Variants in CDH13 observed in about 807,000 individuals in gnomAD.
The protein encoded by CDH13 is cadherin 13, also known as cadherin-13.
A neutral mutation model predicts 63.8 loss-of-function variants in CDH13; 24 were observed. The ratio of observed to expected loss-of-function variants is 0.38; its 90% CI spans 0.27 to 0.53. The LOEUF is 0.53. Among genes scored for constraint, CDH13 ranks in the 20% least tolerant of loss-of-function variants. The probability of loss-of-function intolerance (pLI) is 0.85; values close to 1 mark genes in which losing one functional copy is unlikely to be tolerated. For missense variants in CDH13, 1,049 were observed against 903.1 expected, an observed-to-expected ratio of 1.16 and a Z score of -2.07; for synonymous variants, 503 against 355.3, an observed-to-expected ratio of 1.42 and a Z score of -4.67.
chr16:83,724,110 T>G (rs1399997052), intron 10 of CDH13, among the ~76,000 whole-genome samples: 1 of 99,572 alleles, frequency 1.0e-5, no homozygotes, highest in African/African-American at 4.0e-5. Flanking sequence ...GTGATGAATG[T>G]ATGGGTGAGT....
chr16:83,372,535 C>T (rs554345748), intron 6 of CDH13, among the ~76,000 whole-genome samples: 15 of 151,840 alleles, frequency 9.9e-5, no homozygotes, highest in Non-Finnish European at 1.8e-4. Context: ...AGGTGGACCA[C>T]GAGGTCAAGA....
At chr16:83,155,272 G>T (rs1342406203) in intron 4 of CDH13, among the ~76,000 whole-genome samples, 3 of 151,042 alleles carry the variant, frequency 2.0e-5, no homozygotes, top group Non-Finnish European at 4.4e-5. Flanking sequence ...GAAGAGTCAT[G>T]TTCTAGAGTC....
At chr16:83,180,344 TC>T (rs2038299945) in intron 4 of CDH13, among the ~76,000 whole-genome samples, 2 of 151,964 alleles carry the variant, frequency 1.3e-5, no homozygotes, top group African/African-American at 4.8e-5. Context: ...ATTTTTTTTT[TC>T]ACATCCTTTC....
In CDH13 at chr16:83,221,123, A is replaced by G. The variant is rs369781537; in HGVS notation, c.636+3626A>G. Among the ~76,000 whole-genome samples, 57 of 152,288 alleles carry G rather than the reference A, an allele frequency of 3.7e-4. 1 individual carries two copies. The East Asian group carries it at 7.5e-3, about 20-fold the overall frequency. On this transcript the variant is annotated intron_variant, in intron 5 of 13. Transcript: ENST00000567109. ...TCAGCTCCAAAGCCCCACATTTTCA[A>G]TCACTAAGAAACACTCTTCCTATTT... is the stretch of plus-strand genomic sequence containing the variant.
chr16:83,555,213 G>C (rs1466027280), intron 7 of CDH13, among the ~76,000 whole-genome samples: 1 of 152,164 alleles, frequency 6.6e-6, no homozygotes, highest in Non-Finnish European at 1.5e-5. Flanking sequence ...AATGTTTATG[G>C]AGACCATGGT....
In CDH13 at chr16:83,646,882, C is replaced by A. The variant is rs561781283; in HGVS notation, c.1102-23908C>A. Among the ~76,000 whole-genome samples, 56 of 152,084 alleles carry A rather than the reference C, an allele frequency of 3.7e-4. 1 individual carries two copies. The highest frequency in any genetic ancestry group is 1.3e-3 in the African/African-American group (55 of 41,510). The stretch of plus-strand genomic sequence containing the variant: ...TTGTATCAAAAGAAGGCAACTCCCC[C>A]CTTTCCCCTTCACCTGCTAATGAGG... On this transcript the variant is annotated intron_variant, in intron 8 of 13. Coordinates refer to ENST00000567109, the MANE Select transcript of CDH13 (RefSeq NM_001257.5).
intron 8 of CDH13, among the ~76,000 whole-genome samples, chr16:83,664,410 T>C (rs1913738742): frequency 6.6e-6 from 1 of 152,108 alleles, no homozygotes; most frequent in Admixed American, 6.6e-5. Context: ...TTCTGAGACA[T>C]CGGGCTTTCT....
intron 10 of CDH13, among the ~76,000 whole-genome samples, chr16:83,688,161 A>C (rs1347964649): frequency 6.6e-6 from 1 of 152,216 alleles, no homozygotes; most frequent in Non-Finnish European, 1.5e-5. Context: ...TGTTTAATCT[A>C]ATATTGGAGC....
chr16:83,293,987 T>A (rs2089525882), intron 5 of CDH13, among the ~76,000 whole-genome samples: 1 of 152,196 alleles, frequency 6.6e-6, no homozygotes, highest in Non-Finnish European at 1.5e-5. Context: ...AGGAGAAGAT[T>A]GAAAAAAATC....
intron 2 of CDH13, among the ~76,000 whole-genome samples, chr16:82,989,085 C>A (rs72792126): frequency 0.11 from 17,391 of 152,080 alleles, 1,294 homozygotes; most frequent in African/African-American, 0.21. Context: ...CCTGCACTTA[C>A]ACAGAGAAAA....
At chr16:83,061,921 AG>A (rs2031589293) in intron 3 of CDH13, among the ~76,000 whole-genome samples, 1 of 152,168 alleles carries the variant, frequency 6.6e-6, no homozygotes. Context: ...CCTGAAGGAG[AG>A]GCCCTCTAGA....
chr16:82,643,976 C>T (rs1008231049), intron 1 of CDH13, among the ~76,000 whole-genome samples: 12 of 152,236 alleles, frequency 7.9e-5, no homozygotes, highest in Non-Finnish European at 1.5e-4. Flanking sequence ...TCTCGAACTC[C>T]TGGCTTCAAG....
At chr16:83,262,151 T>A (rs1199000935) in intron 5 of CDH13, among the ~76,000 whole-genome samples, 1 of 152,158 alleles carries the variant, frequency 6.6e-6, no homozygotes, top group Non-Finnish European at 1.5e-5. Context: ...TAATATTCAG[T>A]CATATAAATT....
chr16:83,490,346 C>A (rs889934863), intron 7 of CDH13, among the ~76,000 whole-genome samples: 2 of 152,144 alleles, frequency 1.3e-5, no homozygotes, highest in African/African-American at 4.8e-5. Flanking sequence ...TCTTCCCTGC[C>A]TTTTATAGAT....
intron 1 of CDH13, among the ~76,000 whole-genome samples, chr16:82,671,308 A>G (rs1380577088): frequency 6.6e-6 from 1 of 152,190 alleles, no homozygotes; most frequent in African/African-American, 2.4e-5. Context: ...GGGATGTAAG[A>G]CACTGATTTT....
Position 83,695,893 on chromosome 16 carries a change from C to CT in CDH13, c.1538+17448dup, listed in dbSNP as rs199731349. On this transcript the variant is annotated intron_variant, in intron 10 of 13. Transcript: ENST00000567109. ...ATCCAGATATATTTATGCCAAAGAA[C>CT]TTTTTTTTTTTTTTTTGAGACTGGG... is the stretch of plus-strand genomic sequence containing the variant. Among the ~76,000 whole-genome samples the CT allele has an allele frequency of 9.2e-3, 1,319 of 143,180 alleles. 16 individuals are homozygous for CT. The highest frequency in any genetic ancestry group is 0.028 in the African/African-American group (1,079 of 39,008). 93.9% of individuals were successfully genotyped at this position (143,180 alleles called of 152,430 possible).
intron 4 of CDH13, among the ~76,000 whole-genome samples, chr16:83,205,120 C>G (rs991919973): frequency 6.6e-6 from 1 of 152,178 alleles, no homozygotes; most frequent in Non-Finnish European, 1.5e-5. Flanking sequence ...ATGGGAGGTA[C>G]AGGAGATCCA....
At chr16:82,863,337 G>T (rs1436129190) in intron 2 of CDH13, among the ~76,000 whole-genome samples, 1 of 152,160 alleles carries the variant, frequency 6.6e-6, no homozygotes, top group Non-Finnish European at 1.5e-5. Flanking sequence ...AACACTATAA[G>T]CTCCTCTCCC....
intron 11 of CDH13, among the ~76,000 whole-genome samples, chr16:83,763,413 T>C (rs1317684262): frequency 6.6e-6 from 1 of 152,188 alleles, no homozygotes; most frequent in Non-Finnish European, 1.5e-5. Flanking sequence ...GATTGATTTT[T>C]TTTAAAAATT....
Sources: gnomAD v4.1 joint callset for allele counts (sites outside exome capture counted in the v4.1 genomes callset) on GRCh38, gnomAD v4.1.1 for gene constraint, MANE v1.5 for transcripts, NCBI Gene and HGNC (gene_info 2026-07-23, HGNC 2026-07-21) for gene names.